The following SLF2 variants were observed in gnomAD, a reference collection of about 807,000 sequenced individuals.
The protein encoded by SLF2 is SMC5-SMC6 complex localization factor protein 2.
Under a neutral mutation model 124.3 loss-of-function variants are expected in SLF2, and 68 were observed. The ratio of observed to expected loss-of-function variants is 0.55; its 90% CI spans 0.45 to 0.67. The LOEUF is 0.67. Ranked by LOEUF, SLF2 falls within the 30% of genes least tolerant of loss-of-function variation. SLF2 has a pLI of 0.00. For missense variants in SLF2, 1,246 were observed against 1,373.7 expected, an observed-to-expected ratio of 0.91 and a Z score of 1.47; for synonymous variants, 480 against 478.8, an observed-to-expected ratio of 1.00 and a Z score of -0.03.
chr10:100,955,188 C>T (rs1380923279), intron 17 of SLF2, among the ~76,000 whole-genome samples: 1 of 151,766 alleles, frequency 6.6e-6, no homozygotes, highest in Non-Finnish European at 1.5e-5. Context: ...GATCTGCCCG[C>T]CTCGGCCTCC....
At chr10:100,944,351 C>T (rs1850052559) in intron 12 of SLF2, among the ~76,000 whole-genome samples, 1 of 151,914 alleles carries the variant, frequency 6.6e-6, no homozygotes, top group Admixed American at 6.6e-5. Flanking sequence ...AAAAATTAGC[C>T]AGGCATGGCA....
In SLF2 at chr10:100,944,075, T is replaced by C. The variant is rs752967944; in HGVS notation, c.2704T>C (p.Tyr902His). The change falls in exon 12 of 20, where the codon TAT (tyrosine) becomes CAT (histidine). Residue 902 changes from tyrosine to histidine, a missense_variant. Coordinates refer to ENST00000238961, the MANE Select transcript of SLF2 (RefSeq NM_018121.4). ...SRGKESEDSS[Y>H]KPIFSTLPET... ...GGGGAAAGAAAGTGAAGATTCATCT[T>C]ATAAGCCAATTTTTTCAACACTTCC... 3.7e-6 allele frequency: 6 copies of C among 1,612,982 alleles called. No homozygotes were observed. In the African/African-American group the frequency reaches 4.0e-5, roughly 11 times the overall value.
intron 4 of SLF2, among the ~76,000 whole-genome samples, chr10:100,919,593 C>T (rs1849489324): frequency 6.6e-6 from 1 of 152,044 alleles, no homozygotes; most frequent in Non-Finnish European, 1.5e-5. Context: ...ATTAAAAAGG[C>T]AAACACTGCA....
chr10:100,947,098 G>A lies in SLF2; in HGVS notation c.2994G>A (p.Trp998Ter). 1 of 1,609,260 alleles carries A rather than the reference G, an allele frequency of 6.2e-7. No homozygotes were observed. The highest frequency in any genetic ancestry group is 8.5e-7 in the Non-Finnish European group (1 of 1,178,218). The change falls in exon 14 of 20, where the codon TGG (tryptophan) becomes TGA (stop). Residue 998 changes from tryptophan to a stop codon, truncating the protein, a stop_gained. Transcript: ENST00000238961. LOFTEE classifies it high-confidence loss of function. The part of the protein sequence containing the change: ...ELSSHPHNLL[W>*]LVQLVPNWTS... The stretch of plus-strand genomic sequence containing the variant: ...CCAGTCATCCCCACAACCTCCTGTG[G>A]TTGGTACAGCTGGTCCCTAATTGGA...
chr10:100,954,036 C>T (rs149920937), intron 17 of SLF2, among the ~76,000 whole-genome samples: 51 of 151,940 alleles, frequency 3.4e-4, no homozygotes, highest in African/African-American at 1.1e-3. Context: ...GCATGCAGAT[C>T]GCTTGAGCCC....
chr10:100,951,245 G>C (rs892332498), intron 17 of SLF2, among the ~76,000 whole-genome samples: 1 of 152,064 alleles, frequency 6.6e-6, no homozygotes, highest in Admixed American at 6.5e-5. Context: ...CTCCATCTCA[G>C]AAAAAAGAAG....
intron 10 of SLF2, 102 bp from the exon 11 acceptor site, chr10:100,938,493 A>C (rs1028627024): frequency 8.5e-7 from 1 of 1,172,214 alleles, no homozygotes; most frequent in Non-Finnish European, 1.2e-6. Context: ...CATTTCTATA[A>C]AACCATTGTA....
At chr10:100,935,128 G>T (rs1232020953) in intron 9 of SLF2, among the ~76,000 whole-genome samples, 1 of 152,092 alleles carries the variant, frequency 6.6e-6, no homozygotes, top group Non-Finnish European at 1.5e-5. Flanking sequence ...GGGCGTGATG[G>T]CTCATGCCTG....
chr10:100,939,502 C>G (rs1849926727), intron 11 of SLF2, among the ~76,000 whole-genome samples: 1 of 151,888 alleles, frequency 6.6e-6, no homozygotes, highest in African/African-American at 2.4e-5. Flanking sequence ...ATGGTGAAAC[C>G]CTGTCTCTAC....
chr10:100,957,291 A>G (rs935043223), intron 18 of SLF2, among the ~76,000 whole-genome samples: 1 of 141,394 alleles, frequency 7.1e-6, no homozygotes, highest in South Asian at 2.3e-4. Flanking sequence ...TATTCTTTGA[A>G]TGTTTCATTG....
At position 100,947,848 on chromosome 10, in the gene SLF2, G is replaced by A. The variant is rs1850134626; in HGVS notation, c.3120+1G>A. The A allele has an allele frequency of 6.2e-7, 1 of 1,602,958 alleles. No homozygotes were observed. The highest frequency in any genetic ancestry group is 1.7e-4 in the Middle Eastern group (1 of 5,734). ...TGTTCCTAATGCCAGTAATCTGCAG[G>A]TATAAATAAATACATTTTTATTTTT... On this transcript the variant is annotated splice_donor_variant, in intron 15 of 19. Coordinates refer to ENST00000238961, the MANE Select transcript of SLF2 (RefSeq NM_018121.4). LOFTEE classifies it high-confidence loss of function.
chr10:100,930,922 G>T, intron 8 of SLF2, 54 bp from the exon 9 acceptor site: 2 of 1,304,912 alleles, frequency 1.5e-6, no homozygotes, highest in Non-Finnish European at 2.2e-6. Flanking sequence ...GGTGATAGTA[G>T]AAGTATTTTG....
chr10:100,922,924 C>T (rs1160716215), intron 4 of SLF2, among the ~76,000 whole-genome samples: 3 of 151,868 alleles, frequency 2.0e-5, no homozygotes, highest in East Asian at 1.9e-4. Flanking sequence ...TACAGGCACG[C>T]ACCACCATGC....
chr10:100,925,834 T>C (rs1223829586), intron 5 of SLF2, 115 bp from the exon 6 acceptor site: 6 of 1,017,178 alleles, frequency 5.9e-6, no homozygotes, highest in African/African-American at 1.6e-5. Flanking sequence ...AAAGGTGTTA[T>C]CCTGGCCCAG....
chr10:100,954,865 G>A (rs1239835067), intron 17 of SLF2, among the ~76,000 whole-genome samples: 3 of 151,938 alleles, frequency 2.0e-5, no homozygotes, highest in African/African-American at 7.3e-5. Flanking sequence ...AAGATTACTT[G>A]AGCCTATGAG....
At position 100,963,472 on chromosome 10, in the gene SLF2, C is replaced by G. The variant is rs1265068830; in HGVS notation, c.*1560C>G. ...TGGTAAGAATATTATTATCTTGATA[C>G]TACCTCTCAAGGGTATTGTTACAAA... On this transcript the variant is annotated 3_prime_UTR_variant, in exon 20 of 20. Transcript: ENST00000238961. 2 of 152,580 alleles carry G rather than the reference C, an allele frequency of 1.3e-5. No individual in the cohort carries two copies. Among genetic ancestry groups the G allele is most frequent in the African/African-American group, 4.8e-5 (2 of 41,402 alleles). The allele number at this position is 152,580 out of a possible 1,614,324, so 9.5% of individuals were successfully genotyped here.
chr10:100,943,994 A>T, intron 11 of SLF2, 32 bp from the exon 12 acceptor site: 1 of 1,440,326 alleles, frequency 6.9e-7, no homozygotes, highest in Non-Finnish European at 9.5e-7. Context: ...TTTTGTGCCT[A>T]ACTTCACATT....
chr10:100,920,269 G>A (rs1849500062), intron 4 of SLF2, among the ~76,000 whole-genome samples: 1 of 152,118 alleles, frequency 6.6e-6, no homozygotes. Context: ...TGGTGGTGTG[G>A]CTACCACATT....
In SLF2 at chr10:100,929,382, T is replaced by G. The variant is rs1849684344; in HGVS notation, c.2108T>G (p.Ile703Ser). 4 of 1,613,136 alleles carry G rather than the reference T, an allele frequency of 2.5e-6. No individual in the cohort carries two copies. The highest frequency in any genetic ancestry group is 3.4e-6 in the Non-Finnish European group (4 of 1,179,440). ...CAAGGCCGAGGCATTAAATCCCCAATCAGAATTGGAGAAGAAGACAGTACA... is the reference window on the plus strand; with the variant it reads ...CAAGGCCGAGGCATTAAATCCCCAAGCAGAATTGGAGAAGAAGACAGTACA... ...IRQGRGIKSPIRIGEEDSTDD... is the reference protein window; with the variant it reads ...IRQGRGIKSPSRIGEEDSTDD... Residue 703 changes from isoleucine (I) to serine (S), a missense_variant, in exon 7 of 20, where the codon ATC (isoleucine) becomes AGC (serine). Physicochemically the swap from Ile to Ser is moderately radical, Grantham distance 142. Transcript: ENST00000238961.
Sources: gnomAD v4.1 joint callset for allele counts (sites outside exome capture counted in the v4.1 genomes callset) on GRCh38, gnomAD v4.1.1 for gene constraint, MANE v1.5 for transcripts, NCBI Gene and HGNC (gene_info 2026-07-23, HGNC 2026-07-21) for gene names.